TNKS: variants seen among roughly 807,000 people sequenced by gnomAD.
The protein encoded by TNKS is poly [ADP-ribose] polymerase tankyrase-1.
Under a neutral mutation model 135.8 loss-of-function variants are expected in TNKS, and 72 were observed. The observed-to-expected ratio is 0.53, with a 90% CI of 0.44 to 0.64. The LOEUF is 0.64. Ranked by LOEUF, TNKS falls within the 30% of genes least tolerant of loss-of-function variation. TNKS has a pLI of 0.00. For missense variants in TNKS, 1,769 were observed against 1,674.0 expected (o/e 1.06, Z -0.99); for synonymous variants, 849 against 649.3 (o/e 1.31, Z -4.68).
chr8:9,599,475 TA>T (rs1798929478), intron 2 of TNKS, among the ~76,000 whole-genome samples: 1 of 152,230 alleles, frequency 6.6e-6, no homozygotes, highest in Non-Finnish European at 1.5e-5. Flanking sequence ...AGACAGTTAC[TA>T]AGGATTGAGC....
At chr8:9,648,048 A>G (rs1356012711) in intron 3 of TNKS, among the ~76,000 whole-genome samples, 1 of 152,154 alleles carries the variant, frequency 6.6e-6, no homozygotes, top group Admixed American at 6.5e-5. Context: ...GAGAGACAGT[A>G]TGTCTTCTGT....
chr8:9,684,980 T>A (rs1255695953), intron 5 of TNKS, among the ~76,000 whole-genome samples: 1 of 152,140 alleles, frequency 6.6e-6, no homozygotes, highest in Non-Finnish European at 1.5e-5. Flanking sequence ...GTTTTAACGC[T>A]TTAGTATTTA....
intron 5 of TNKS, among the ~76,000 whole-genome samples, chr8:9,685,005 A>G (rs1019299068): frequency 6.6e-6 from 1 of 152,132 alleles, no homozygotes; most frequent in African/African-American, 2.4e-5. Flanking sequence ...ACCCTTCTGT[A>G]AGAAACCACA....
intron 2 of TNKS, among the ~76,000 whole-genome samples, chr8:9,593,420 G>A (rs1187306408): frequency 6.6e-6 from 1 of 152,146 alleles, no homozygotes; most frequent in African/African-American, 2.4e-5. Context: ...CTTCATTTAA[G>A]AATACATCAT....
chr8:9,747,249 C>A (rs558119161), intron 17 of TNKS, among the ~76,000 whole-genome samples: 2 of 134,368 alleles, frequency 1.5e-5, no homozygotes, highest in South Asian at 5.5e-4. Context: ...CTTCCAGATT[C>A]CCCCCTCCTT....
intron 2 of TNKS, among the ~76,000 whole-genome samples, chr8:9,602,100 G>A (rs1799038821): frequency 6.6e-6 from 1 of 152,108 alleles, no homozygotes; most frequent in African/African-American, 2.4e-5. Flanking sequence ...GGCATCCAGT[G>A]GGTAGAGGTA....
At chr8:9,749,341 A>C (rs1047139591) in intron 18 of TNKS, among the ~76,000 whole-genome samples, 21 of 152,164 alleles carry the variant, frequency 1.4e-4, no homozygotes, top group Non-Finnish European at 4.4e-5. Flanking sequence ...AGCAATTCTA[A>C]AATTCAGCCA....
In TNKS at chr8:9,726,724, A is replaced by T; in HGVS notation, c.2001+4A>T. The stretch of plus-strand genomic sequence containing the variant: ...TGGAGACTTGGAAACTGTGAAGGTA[A>T]GTCAGTGCCCTTAATATCTGGAATA... On this transcript the variant is annotated splice_donor_region_variant and intron_variant, in intron 13 of 26. Transcript: ENST00000310430. The T allele has an allele frequency of 6.2e-7, 1 of 1,610,812 alleles. No homozygotes were observed. The highest frequency in any genetic ancestry group is 8.5e-7 in the Non-Finnish European group (1 of 1,178,170).
At chr8:9,715,684 T>C (rs188156655) in intron 11 of TNKS, among the ~76,000 whole-genome samples, 1 of 152,214 alleles carries the variant, frequency 6.6e-6, no homozygotes, top group African/African-American at 2.4e-5. Context: ...ATAAGGGCAA[T>C]ATTCAGCAAA....
At chr8:9,625,844 G>T (rs1210574550) in intron 3 of TNKS, among the ~76,000 whole-genome samples, 20 of 152,132 alleles carry the variant, frequency 1.3e-4, no homozygotes, top group Non-Finnish European at 1.5e-5. Context: ...TTTTGTAAAT[G>T]TTCCATGGGC....
intron 3 of TNKS, among the ~76,000 whole-genome samples, chr8:9,629,446 G>C (rs1249577478): frequency 1.3e-5 from 2 of 152,098 alleles, no homozygotes; most frequent in Non-Finnish European, 2.9e-5. Context: ...TTTTCACTTG[G>C]AAAAACATTC....
In TNKS at chr8:9,645,223, G is replaced by T. The variant is rs118000406; in HGVS notation, c.994+29546G>T. Reference sequence around the variant, plus strand: ...AGGACAAGGGTGGGGGATGGGTTGGGAGCAGGGTGGGGTTTGTAGAATCCC... The same window carrying T: ...AGGACAAGGGTGGGGGATGGGTTGGTAGCAGGGTGGGGTTTGTAGAATCCC... On this transcript the variant is annotated intron_variant, in intron 3 of 26. Transcript: ENST00000310430. 4.3e-3 allele frequency among the ~76,000 whole-genome samples: 648 copies of T among 150,452 alleles called. 11 individuals carry two copies. In the East Asian group the frequency reaches 0.054, roughly 13 times the overall value.
At chr8:9,600,519 A>AC (rs1183611544) in intron 2 of TNKS, among the ~76,000 whole-genome samples, 33 of 151,714 alleles carry the variant, frequency 2.2e-4, no homozygotes, top group African/African-American at 8.0e-4. Context: ...CGCCATGTTG[A>AC]CCGGGATGGT....
intron 5 of TNKS, among the ~76,000 whole-genome samples, chr8:9,696,756 A>T (rs1239803819): frequency 6.6e-6 from 1 of 152,172 alleles, no homozygotes; most frequent in African/African-American, 2.4e-5. Flanking sequence ...GAGATGAAAG[A>T]TCTCTACAAG....
chr8:9,761,430 C>T (rs1807142256), intron 20 of TNKS, 86 bp from the exon 21 acceptor site: 4 of 1,380,218 alleles, frequency 2.9e-6, no homozygotes, highest in South Asian at 1.3e-5. Context: ...TTGAATGGTA[C>T]TCGTAGCATT....
intron 3 of TNKS, among the ~76,000 whole-genome samples, chr8:9,665,614 G>C (rs1191278710): frequency 6.6e-6 from 1 of 152,128 alleles, no homozygotes; most frequent in East Asian, 1.9e-4. Flanking sequence ...GTTGTCTTAA[G>C]CATACTCTCA....
chr8:9,634,646 T>A (rs1029272612), intron 3 of TNKS, among the ~76,000 whole-genome samples: 1 of 152,036 alleles, frequency 6.6e-6, no homozygotes, highest in African/African-American at 2.4e-5. Flanking sequence ...ACTTGTGGAT[T>A]TGGATTGAAG....
At chr8:9,585,178 G>C (rs189292727) in intron 2 of TNKS, among the ~76,000 whole-genome samples, 2 of 150,884 alleles carry the variant, frequency 1.3e-5, no homozygotes, top group Admixed American at 6.6e-5. Flanking sequence ...TTTTTTTTCA[G>C]AGGAAACAAT....
chr8:9,568,815 T>C (rs10092751), intron 1 of TNKS, among the ~76,000 whole-genome samples: 61,507 of 151,984 alleles, frequency 0.4, 12,790 homozygotes, highest in East Asian at 0.62. Context: ...TTTGATTCTG[T>C]ACCCACAGTT....
Sources: gnomAD v4.1 joint callset for allele counts (sites outside exome capture counted in the v4.1 genomes callset) on GRCh38, gnomAD v4.1.1 for gene constraint, MANE v1.5 for transcripts, NCBI Gene and HGNC (gene_info 2026-07-23, HGNC 2026-07-21) for gene names.